Variants in CD2 observed in about 807,000 individuals in gnomAD.
CD2 encodes the protein T-cell surface antigen CD2.
In CD2, 18 loss-of-function variants were observed where a neutral mutation model predicts 23.2. That is an observed-to-expected ratio of 0.77 (90% confidence interval 0.54 to 1.15). CD2 has a LOEUF of 1.15. Ranked by LOEUF, CD2 falls within the 50% of genes most tolerant of loss-of-function variation. CD2 has a pLI of 0.00. For synonymous variants in CD2, 162 were observed against 151.9 expected, an observed-to-expected ratio of 1.07 and a Z score of -0.49; for missense variants, 424 against 423.1, an observed-to-expected ratio of 1.00 and a Z score of -0.02.
rs185211975 is a variant in CD2, at chr1:116,763,330, T to C, written c.614-1154T>C. On this transcript the variant is annotated intron_variant, in intron 3 of 4. Coordinates refer to ENST00000369478, the MANE Select transcript of CD2 (RefSeq NM_001767.5). The stretch of plus-strand genomic sequence containing the variant: ...TCCTTGGGGCCCATCCTGGGCTTCA[T>C]GTATAACAGTGTCTCCCTGGTATGT... Among the ~76,000 whole-genome samples, 61 of 152,338 alleles carry C rather than the reference T, an allele frequency of 4.0e-4. 1 individual carries two copies. Among genetic ancestry groups the C allele is most frequent in the African/African-American group, 1.3e-3 (54 of 41,582 alleles).
At chr1:116,757,510 C>A (rs1361473013) in intron 2 of CD2, among the ~76,000 whole-genome samples, 1 of 152,116 alleles carries the variant, frequency 6.6e-6, no homozygotes, top group Non-Finnish European at 1.5e-5. Context: ...TACGGAGGTA[C>A]TACTCCACAA....
chr1:116,760,330 C>G (rs1652003754), intron 2 of CD2, 72 bp from the exon 3 acceptor site: 1 of 1,182,628 alleles, frequency 8.5e-7, no homozygotes, highest in Non-Finnish European at 1.2e-6. Context: ...CCATCCCCCA[C>G]TGTATAAATA....
At chr1:116,767,788 T>G (rs1652262307) in intron 4 of CD2, among the ~76,000 whole-genome samples, 1 of 151,966 alleles carries the variant, frequency 6.6e-6, no homozygotes, top group African/African-American at 2.4e-5. Context: ...TCCCTGTGAT[T>G]TTAAGAGTAC....
intron 3 of CD2, 101 bp downstream of exon 3, chr1:116,760,733 T>C (rs926311425): frequency 8.3e-6 from 7 of 841,288 alleles, no homozygotes; most frequent in Non-Finnish European, 1.4e-5. Context: ...GAGGCAGCCC[T>C]GGCTCAGGAT....
chr1:116,764,348 G>A (rs1488195106), intron 3 of CD2, 136 bp from the exon 4 acceptor site: 4 of 1,371,924 alleles, frequency 2.9e-6, no homozygotes, highest in Non-Finnish European at 3.9e-6. Flanking sequence ...CACCCTCTGT[G>A]AGCCTGGGAG....
chr1:116,760,223 A>AT (rs1227306033), intron 2 of CD2, among the ~76,000 whole-genome samples, 179 bp from the exon 3 acceptor site: 1 of 152,180 alleles, frequency 6.6e-6, no homozygotes, highest in African/African-American at 2.4e-5. Context: ...ATCAGAAATA[A>AT]TTTTTTTCTG....
chr1:116,763,671 A>G lies in CD2; in HGVS notation c.614-813A>G, dbSNP rs567156875. Among the ~76,000 whole-genome samples, 32 of 152,286 alleles carry G rather than the reference A, an allele frequency of 2.1e-4. No homozygotes were observed. In the East Asian group the frequency reaches 4.6e-3, roughly 22 times the overall value. Reference sequence around the variant, plus strand: ...ATGTAGGTTTCATTATCTCCACTTTACAAAGAAGGAAACAGGCTCAGAGAG... The same window carrying G: ...ATGTAGGTTTCATTATCTCCACTTTGCAAAGAAGGAAACAGGCTCAGAGAG... On this transcript the variant is annotated intron_variant, in intron 3 of 4. Coordinates refer to ENST00000369478, the MANE Select transcript of CD2 (RefSeq NM_001767.5).
intron 4 of CD2, 57 bp from the exon 5 acceptor site, chr1:116,768,407 T>C: frequency 1.3e-6 from 2 of 1,528,426 alleles, no homozygotes; most frequent in Non-Finnish European, 1.8e-6. Flanking sequence ...AGGTACTCAA[T>C]ATTTACATTG....
At position 116,754,721 on chromosome 1, in the gene CD2, G is replaced by A. The variant is rs777764557; in HGVS notation, c.152G>A (p.Ser51Asn). ...TTGGACATTCCTAGTTTTCAAATGA[G>A]TGATGATATTGACGATATAAAATGG... ...INLDIPSFQM[S>N]DDIDDIKWEK... Residue 51 changes from serine (S) to asparagine (N), a missense_variant, in exon 2 of 5, where the codon AGT becomes AAT. By Grantham distance (46) the Ser-to-Asn change is conservative (BLOSUM62 1). Transcript: ENST00000369478. 6.2e-7 allele frequency: 1 copy of A among 1,613,266 alleles called. No individual in the cohort carries two copies. The highest frequency in any genetic ancestry group is 8.5e-7 in the Non-Finnish European group (1 of 1,179,694).
At chr1:116,759,352 A>G (rs1474998716) in intron 2 of CD2, among the ~76,000 whole-genome samples, 1 of 152,050 alleles carries the variant, frequency 6.6e-6, no homozygotes, top group Non-Finnish European at 1.5e-5. Flanking sequence ...AAAATAAGCT[A>G]GTCCATCTAT....
chr1:116,758,650 G>A (rs559975719), intron 2 of CD2, among the ~76,000 whole-genome samples: 35 of 152,180 alleles, frequency 2.3e-4, no homozygotes, highest in Admixed American at 7.8e-4. Flanking sequence ...AAACAGCACA[G>A]AACTCGAGTG....
At chr1:116,765,263 T>TG (rs1284454051) in intron 4 of CD2, among the ~76,000 whole-genome samples, 2 of 152,212 alleles carry the variant, frequency 1.3e-5, no homozygotes, top group African/African-American at 4.8e-5. Flanking sequence ...GGGGTCACTG[T>TG]GGGGGGCACA....
intron 3 of CD2, among the ~76,000 whole-genome samples, chr1:116,763,459 T>A (rs1652117996): frequency 6.6e-6 from 1 of 152,160 alleles, no homozygotes; most frequent in Non-Finnish European, 1.5e-5. Context: ...CTTTTCTAAC[T>A]GCTATTGACT....
chr1:116,761,853 C>A (rs937318554), intron 3 of CD2, among the ~76,000 whole-genome samples: 12 of 152,136 alleles, frequency 7.9e-5, no homozygotes, highest in Non-Finnish European at 1.5e-4. Context: ...TTTTTTGAGA[C>A]AGGGTTTTGC....
At chr1:116,767,940 G>A (rs185697824) in intron 4 of CD2, among the ~76,000 whole-genome samples, 5 of 152,296 alleles carry the variant, frequency 3.3e-5, no homozygotes, top group East Asian at 1.9e-4. Context: ...TCTGAGAAGC[G>A]AGTAAATTTC....
intron 2 of CD2, among the ~76,000 whole-genome samples, 178 bp from the exon 3 acceptor site, chr1:116,760,224 T>G (rs1352025525): frequency 3.3e-5 from 5 of 152,178 alleles, no homozygotes; most frequent in Non-Finnish European, 7.4e-5. Context: ...TCAGAAATAA[T>G]TTTTTTCTGA....
At chr1:116,763,889 C>A (rs187153385) in intron 3 of CD2, among the ~76,000 whole-genome samples, 3 of 152,236 alleles carry the variant, frequency 2.0e-5, no homozygotes, top group Non-Finnish European at 4.4e-5. Context: ...CAGGGAAACT[C>A]TGTGAGAGGG....
At chr1:116,762,816 C>T (rs1378324618) in intron 3 of CD2, among the ~76,000 whole-genome samples, 1 of 152,230 alleles carries the variant, frequency 6.6e-6, no homozygotes, top group Non-Finnish European at 1.5e-5. Flanking sequence ...ACCAAAAGTA[C>T]TACCAGGTGC....
At chr1:116,768,399 G>A in intron 4 of CD2, 65 bp from the exon 5 acceptor site, 1 of 1,472,738 alleles carries the variant, frequency 6.8e-7, no homozygotes, top group South Asian at 1.3e-5. Flanking sequence ...CATATAAAAG[G>A]TACTCAATAT....
Sources: allele counts gnomAD v4.1 joint callset (sites outside exome capture counted in the v4.1 genomes callset), GRCh38; gene constraint gnomAD v4.1.1; transcripts MANE v1.5; gene names NCBI Gene and HGNC (gene_info 2026-07-23, HGNC 2026-07-21).